Variants in TYR observed in about 807,000 individuals in gnomAD.
TYR encodes LB24-AB.
In TYR, 58 loss-of-function variants were observed where a neutral mutation model predicts 51.5. That is an observed-to-expected ratio of 1.13 (90% CI 0.91 to 1.40). TYR has a LOEUF of 1.40. TYR is among the 40% of genes most tolerant of loss of function. The pLI is 0.00. For missense variants in TYR, 732 were observed against 647.4 expected, an observed-to-expected ratio of 1.13 and a Z score of -1.42; for synonymous variants, 263 against 235.2, an observed-to-expected ratio of 1.12 and a Z score of -1.08.
At chr11:89,210,273 A>C (rs1417207133) in intron 2 of TYR, among the ~76,000 whole-genome samples, 1 of 152,236 alleles carries the variant, frequency 6.6e-6, no homozygotes, top group Non-Finnish European at 1.5e-5. Flanking sequence ...AGAAGAGCTT[A>C]AATGACCTGC....
chr11:89,214,881 G>C (rs920627243), intron 2 of TYR, among the ~76,000 whole-genome samples: 2 of 152,134 alleles, frequency 1.3e-5, no homozygotes, highest in Non-Finnish European at 2.9e-5. Context: ...GAATCCCAAA[G>C]CTGCTACATC....
At chr11:89,192,239 C>G (rs1271512534) in intron 2 of TYR, among the ~76,000 whole-genome samples, 1 of 152,030 alleles carries the variant, frequency 6.6e-6, no homozygotes, top group African/African-American at 2.4e-5. Context: ...CTGACTCAGT[C>G]ATGAAACCCA....
chr11:89,197,864 C>T (rs1437921020), intron 2 of TYR, among the ~76,000 whole-genome samples: 1 of 151,494 alleles, frequency 6.6e-6, no homozygotes, highest in Non-Finnish European at 1.5e-5. Flanking sequence ...TGTAATTTCT[C>T]TTCATATAAC....
chr11:89,193,114 G>A (rs1191501072), intron 2 of TYR, among the ~76,000 whole-genome samples: 1 of 152,162 alleles, frequency 6.6e-6, no homozygotes, highest in Non-Finnish European at 1.5e-5. Context: ...CCATCTGGGA[G>A]GATTGGGTGA....
In TYR at chr11:89,178,146, C is replaced by T; in HGVS notation, c.193C>T (p.Leu65Phe). ...CQNILLSNAPLGPQFPFTGVD... is the reference protein window; with the variant it reads ...CQNILLSNAPFGPQFPFTGVD... ...GAATATCCTTCTGTCCAATGCACCACTTGGGCCTCAATTTCCCTTCACAGG... is the reference window on the plus strand; with the variant it reads ...GAATATCCTTCTGTCCAATGCACCATTTGGGCCTCAATTTCCCTTCACAGG... Residue 65 changes from leucine to phenylalanine, a missense_variant, in exon 1 of 5, where the codon CTT (leucine) becomes TTT (phenylalanine). Transcript: ENST00000263321. 2 of 1,614,214 alleles carry T rather than the reference C, an allele frequency of 1.2e-6. No homozygotes were observed. Among genetic ancestry groups the T allele is most frequent in the Non-Finnish European group, 1.7e-6 (2 of 1,180,042 alleles).
At chr11:89,193,405 G>T (rs1191422342) in intron 2 of TYR, among the ~76,000 whole-genome samples, 2 of 152,098 alleles carry the variant, frequency 1.3e-5, no homozygotes, top group Admixed American at 1.3e-4. Flanking sequence ...CACAGGTGAG[G>T]AGGGAACAGC....
chr11:89,204,141 A>T (rs530845689), intron 2 of TYR, among the ~76,000 whole-genome samples: 1 of 152,308 alleles, frequency 6.6e-6, no homozygotes, highest in South Asian at 2.1e-4. Flanking sequence ...TTGTTGTCAG[A>T]GGAGGCCTAC....
intron 2 of TYR, among the ~76,000 whole-genome samples, chr11:89,215,771 A>G (rs1161760819): frequency 6.6e-6 from 1 of 152,278 alleles, no homozygotes; most frequent in East Asian, 1.9e-4. Context: ...TAGAAATGTC[A>G]TAAGAATCCC....
At chr11:89,287,595 A>G (rs2135326453) in intron 4 of TYR, among the ~76,000 whole-genome samples, 1 of 152,052 alleles carries the variant, frequency 6.6e-6, no homozygotes, top group East Asian at 1.9e-4. Context: ...GGGTCAATGA[A>G]GTGATACTTC....
At chr11:89,219,118 A>G (rs992420145) in intron 2 of TYR, among the ~76,000 whole-genome samples, 4 of 152,182 alleles carry the variant, frequency 2.6e-5, no homozygotes, top group African/African-American at 9.7e-5. Context: ...AGTTCCTTAA[A>G]GTTACTGTCT....
intron 2 of TYR, among the ~76,000 whole-genome samples, chr11:89,220,473 C>T (rs1943894787): frequency 6.6e-6 from 1 of 152,210 alleles, no homozygotes. Flanking sequence ...TTCAACATGA[C>T]ATTTGGGCTA....
At position 89,218,265 on chromosome 11, in the gene TYR, CAT is replaced by C. The variant is rs1330768873; in HGVS notation, c.1037-9557_1037-9556del. On this transcript the variant is annotated intron_variant, in intron 2 of 4. Transcript: ENST00000263321. ...AAAATTATGCCAGCAACTAAAGCTA[CAT>C]GTTTTAGAAAGAGAAATATATGCCT... Among the ~76,000 whole-genome samples the C allele has an allele frequency of 1.5e-4, 23 of 152,192 alleles. No individual in the cohort carries two copies. The South Asian group carries it at 3.1e-3, about 21-fold the overall frequency.
intron 2 of TYR, among the ~76,000 whole-genome samples, chr11:89,214,424 A>G (rs1258831856): frequency 2.6e-5 from 4 of 152,166 alleles, no homozygotes; most frequent in Non-Finnish European, 5.9e-5. Flanking sequence ...ACCCTTTTAC[A>G]CTGCTGGTGG....
At chr11:89,246,841 C>A (rs1340054745) in intron 3 of TYR, among the ~76,000 whole-genome samples, 1 of 152,114 alleles carries the variant, frequency 6.6e-6, no homozygotes, top group East Asian at 1.9e-4. Flanking sequence ...GAATGAACAG[C>A]AGATTGCTTC....
intron 2 of TYR, among the ~76,000 whole-genome samples, chr11:89,220,561 C>T (rs1000168464): frequency 1.3e-5 from 2 of 152,144 alleles, no homozygotes; most frequent in African/African-American, 4.8e-5. Flanking sequence ...AGTTTCAACA[C>T]CTGAAAGTTG....
At chr11:89,188,308 T>A (rs1258217180) in intron 1 of TYR, among the ~76,000 whole-genome samples, 1 of 152,048 alleles carries the variant, frequency 6.6e-6, no homozygotes, top group Non-Finnish European at 1.5e-5. Context: ...GTGTTCAGTA[T>A]GTATTCTTGT....
At chr11:89,208,850 G>A (rs12421397) in intron 2 of TYR, among the ~76,000 whole-genome samples, 32,652 of 152,052 alleles carry the variant, frequency 0.21, 5,121 homozygotes, top group African/African-American at 0.45. Context: ...ACTTTATAAA[G>A]AAAGATTTTC....
chr11:89,187,914 T>G (rs1313731175), intron 1 of TYR, among the ~76,000 whole-genome samples: 1 of 151,846 alleles, frequency 6.6e-6, no homozygotes, highest in Non-Finnish European at 1.5e-5. Flanking sequence ...CCATATTGCC[T>G]TATTCATTGA....
chr11:89,245,063 A>G (rs1944246947), intron 3 of TYR, among the ~76,000 whole-genome samples: 2 of 152,226 alleles, frequency 1.3e-5, no homozygotes, highest in African/African-American at 4.8e-5. Flanking sequence ...GTCAATGAAT[A>G]GCCGTTTGAT....
Sources: gnomAD v4.1 joint callset for allele counts (sites outside exome capture counted in the v4.1 genomes callset) on GRCh38, gnomAD v4.1.1 for gene constraint, MANE v1.5 for transcripts, NCBI Gene and HGNC (gene_info 2026-07-23, HGNC 2026-07-21) for gene names.